The following PDE1A variants were observed in gnomAD, a reference collection of about 807,000 sequenced individuals.
PDE1A encodes phosphodiesterase 1A, also known as dual specificity calcium/calmodulin-dependent 3',5'-cyclic nucleotide phosphodiesterase 1A.
In PDE1A, 35 loss-of-function variants were observed where a neutral mutation model predicts 61.7. The ratio of observed to expected loss-of-function variants is 0.57; its 90% CI spans 0.43 to 0.75. The LOEUF is 0.75. Ranked by LOEUF, PDE1A falls within the 30% of genes least tolerant of loss-of-function variation. PDE1A has a pLI of 0.00. For missense variants in PDE1A, 597 were observed against 630.6 expected (o/e 0.95, Z 0.57); for synonymous variants, 232 against 213.2 (o/e 1.09, Z -0.77).
In PDE1A at chr2:182,287,714, C is replaced by T. The variant is rs190834244; in HGVS notation, c.54-23300G>A. On this transcript the variant is annotated intron_variant, in intron 1 of 13. Transcript: ENST00000351439. ...AAAGTCAGGTTTACTAAGAAACAAA[C>T]TGGTCAAATTATGCCTAAAGAACTG... Among the ~76,000 whole-genome samples, 372 of 152,244 alleles carry T rather than the reference C, an allele frequency of 2.4e-3. 2 individuals are homozygous for T. Among genetic ancestry groups the T allele is most frequent in the African/African-American group, 8.3e-3 (343 of 41,564 alleles).
chr2:182,220,168 C>A (rs1688600092), intron 7 of PDE1A, among the ~76,000 whole-genome samples: 1 of 151,636 alleles, frequency 6.6e-6, no homozygotes, highest in African/African-American at 2.4e-5. Context: ...TTAGTTAAGG[C>A]CTAAAAAGGA....
chr2:182,209,350 C>T (rs1321700806), intron 7 of PDE1A, among the ~76,000 whole-genome samples: 1 of 151,954 alleles, frequency 6.6e-6, no homozygotes, highest in African/African-American at 2.4e-5. Flanking sequence ...AAACCACCCC[C>T]ATGATTCAAT....
chr2:182,157,642 A>G (rs905917412), intron 13 of PDE1A, among the ~76,000 whole-genome samples: 4 of 152,220 alleles, frequency 2.6e-5, no homozygotes, highest in Admixed American at 2.0e-4. Flanking sequence ...CCCACTTACA[A>G]TCTTTACCAA....
chr2:182,407,522 C>T (rs1467871131), intron 1 of PDE1A, among the ~76,000 whole-genome samples: 1 of 152,046 alleles, frequency 6.6e-6, no homozygotes, highest in Non-Finnish European at 1.5e-5. Context: ...GCTGGGACTA[C>T]AGGTTCCCGC....
At position 182,205,934 on chromosome 2, in the gene PDE1A, A is replaced by G; in HGVS notation, c.902+6T>C. The G allele has an allele frequency of 1.9e-6, 3 of 1,598,600 alleles. No homozygotes were observed. Among genetic ancestry groups the G allele is most frequent in the East Asian group, 4.5e-5 (2 of 44,636 alleles). Reference sequence around the variant, plus strand: ...AAATTTCCTCTAGGTTTTCTCTGAAACTCACCTCCAGTCATCTTTGGATAA... The same window carrying G: ...AAATTTCCTCTAGGTTTTCTCTGAAGCTCACCTCCAGTCATCTTTGGATAA... On this transcript the variant is annotated splice_donor_region_variant and intron_variant, in intron 8 of 13. Transcript: ENST00000351439.
At chr2:182,675,350 T>C in the PDE1A span, among the ~76,000 whole-genome samples, 1 of 152,210 alleles carries the variant, frequency 6.6e-6, no homozygotes, top group Non-Finnish European at 1.5e-5. Context: ...CTTTATCCAA[T>C]CTGTCATAGA....
chr2:182,551,047 A>G, the PDE1A span, among the ~76,000 whole-genome samples: 1 of 130,372 alleles, frequency 7.7e-6, no homozygotes, highest in Admixed American at 8.4e-5. Context: ...TACAATCAGC[A>G]AATACAAAAA....
intron 2 of PDE1A, among the ~76,000 whole-genome samples, chr2:182,516,702 G>GAGGAAGGAAGGAAGGA (rs199731099): frequency 0.062 from 7,218 of 116,694 alleles, 386 homozygotes; most frequent in East Asian, 0.082. Flanking sequence ...GGGAGGAAGG[G>GAGGAAGGAAGGAAGGA]AGGAAGGAAG....
intron 3 of PDE1A, among the ~76,000 whole-genome samples, chr2:182,234,745 G>A (rs977257848): frequency 6.6e-6 from 1 of 152,124 alleles, no homozygotes; most frequent in Admixed American, 6.5e-5. Context: ...TCCATGTAAA[G>A]ATATCCTTCC....
At chr2:182,412,093 G>A (rs1000680857) in intron 1 of PDE1A, among the ~76,000 whole-genome samples, 25 of 150,976 alleles carry the variant, frequency 1.7e-4, no homozygotes, top group African/African-American at 5.6e-4. Flanking sequence ...ATTCCAAAAT[G>A]TTAAGTGTTG....
chr2:182,249,927 A>G (rs1691274861), intron 2 of PDE1A, among the ~76,000 whole-genome samples: 1 of 152,122 alleles, frequency 6.6e-6, no homozygotes, highest in South Asian at 2.1e-4. Flanking sequence ...GAAAGATCTA[A>G]TTATTATTGA....
At chr2:182,687,230 G>C in the PDE1A span, among the ~76,000 whole-genome samples, 1 of 152,204 alleles carries the variant, frequency 6.6e-6, no homozygotes, top group Non-Finnish European at 1.5e-5. Context: ...CGGACAGACT[G>C]CCTCCTCAAG....
At chr2:182,153,876 T>C (rs1574505158) in intron 13 of PDE1A, among the ~76,000 whole-genome samples, 1 of 152,102 alleles carries the variant, frequency 6.6e-6, no homozygotes, top group South Asian at 2.1e-4. Flanking sequence ...TGGAGGCAGG[T>C]AAGGGATGAG....
At chr2:182,311,982 T>A (rs1595446) in intron 1 of PDE1A, among the ~76,000 whole-genome samples, 18 of 152,214 alleles carry the variant, frequency 1.2e-4, no homozygotes. Flanking sequence ...AATAGATGTG[T>A]AGTGGTATCT....
chr2:182,569,498 G>C, the PDE1A span, among the ~76,000 whole-genome samples: 1 of 151,978 alleles, frequency 6.6e-6, no homozygotes, highest in Non-Finnish European at 1.5e-5. Flanking sequence ...TGAGCTCCTT[G>C]GGCGTCAAGC....
At chr2:182,140,905 A>G (rs1690200321) in exon 15 of PDE1A, 1 of 152,138 alleles carries the variant, frequency 6.6e-6, no homozygotes, top group African/African-American at 2.4e-5. Context: ...TAGGAAAATA[A>G]GTACAGCAGT....
the PDE1A span, among the ~76,000 whole-genome samples, chr2:182,715,548 T>C: frequency 6.6e-6 from 1 of 152,184 alleles, no homozygotes; most frequent in African/African-American, 2.4e-5. Flanking sequence ...TTTTCTCTTT[T>C]AAATATAGAA....
At chr2:182,208,134 C>T (rs1191648815) in intron 7 of PDE1A, among the ~76,000 whole-genome samples, 2 of 152,142 alleles carry the variant, frequency 1.3e-5, no homozygotes, top group African/African-American at 4.8e-5. Flanking sequence ...ATAGTCCTCA[C>T]TGGGGCACTG....
At chr2:182,389,508 A>G (rs1308061087) in intron 1 of PDE1A, among the ~76,000 whole-genome samples, 1 of 152,232 alleles carries the variant, frequency 6.6e-6, no homozygotes, top group East Asian at 1.9e-4. Context: ...TAATATCAGT[A>G]ATCATCAGGG....
Sources: allele counts gnomAD v4.1 joint callset (sites outside exome capture counted in the v4.1 genomes callset), GRCh38; gene constraint gnomAD v4.1.1; transcripts MANE v1.5; gene names NCBI Gene and HGNC (gene_info 2026-07-23, HGNC 2026-07-21).